KCNQ5: variants seen among roughly 807,000 people sequenced by gnomAD.
KCNQ5 encodes the protein potassium voltage-gated channel subfamily Q member 5.
KCNQ5 carries 30 observed loss-of-function variants against 98.2 expected under a neutral mutation model. The ratio of observed to expected loss-of-function variants is 0.31; its 90% CI spans 0.23 to 0.41. The LOEUF is 0.41. Ranked by LOEUF, KCNQ5 falls within the 10% of genes least tolerant of loss-of-function variation. The pLI, the probability that KCNQ5 is intolerant of heterozygous loss-of-function variation, is 1.00. For synonymous variants in KCNQ5, 458 were observed against 449.4 expected, an observed-to-expected ratio of 1.02 and a Z score of -0.24; for missense variants, 835 against 1,182.5, an observed-to-expected ratio of 0.71 and a Z score of 4.31.
chr6:72,935,058 T>C (rs1281876047), intron 1 of KCNQ5, among the ~76,000 whole-genome samples: 2 of 150,974 alleles, frequency 1.3e-5, no homozygotes, highest in East Asian at 3.9e-4. Context: ...ATTGGCCTTG[T>C]TCTATCTTTT....
intron 10 of KCNQ5, among the ~76,000 whole-genome samples, chr6:73,154,343 T>C (rs1777271031): frequency 6.6e-6 from 1 of 152,210 alleles, no homozygotes; most frequent in Non-Finnish European, 1.5e-5. Context: ...AATTTGTTGC[T>C]ACAGTACCAG....
intron 1 of KCNQ5, among the ~76,000 whole-genome samples, chr6:72,758,442 A>G (rs1772086703): frequency 1.3e-5 from 2 of 152,168 alleles, no homozygotes; most frequent in Admixed American, 1.3e-4. Flanking sequence ...GAAAAAGCAT[A>G]AATTTACCAA....
At chr6:72,854,721 T>TACACACAC (rs59899899) in intron 1 of KCNQ5, among the ~76,000 whole-genome samples, 19 of 126,846 alleles carry the variant, frequency 1.5e-4, no homozygotes, top group African/African-American at 5.6e-4. Flanking sequence ...TCTTTCTTTG[T>TACACACAC]ACACACACAC....
chr6:72,701,823 T>C (rs947640914), intron 1 of KCNQ5, among the ~76,000 whole-genome samples: 9 of 152,272 alleles, frequency 5.9e-5, no homozygotes, highest in South Asian at 2.1e-4. Flanking sequence ...CAAGTGATCC[T>C]GCCAAGAAGC....
Position 72,939,155 on chromosome 6 carries a change from C to T in KCNQ5, c.399-64753C>T, listed in dbSNP as rs549628265. 9.7e-4 allele frequency among the ~76,000 whole-genome samples: 148 copies of T among 152,230 alleles called. 1 individual carries two copies. The highest frequency in any genetic ancestry group is 3.1e-3 in the African/African-American group (128 of 41,534). On this transcript the variant is annotated intron_variant, in intron 1 of 13. Coordinates refer to ENST00000370398, the MANE Select transcript of KCNQ5 (RefSeq NM_019842.4). ...CAGAACGCTCAGTGCTTTTGGCGAG[C>T]GGGTGGAAGCTGGGTTGAGGAGGAG... is the stretch of plus-strand genomic sequence containing the variant.
intron 1 of KCNQ5, among the ~76,000 whole-genome samples, chr6:72,834,202 T>C (rs1776408231): frequency 6.6e-6 from 1 of 152,128 alleles, no homozygotes. Context: ...CTCTGTACTT[T>C]TCTGCATTTT....
chr6:72,916,659 G>A (rs1272511356), intron 1 of KCNQ5, among the ~76,000 whole-genome samples: 3 of 152,136 alleles, frequency 2.0e-5, no homozygotes, highest in Non-Finnish European at 4.4e-5. Context: ...TCAGTTCCAC[G>A]GGGGTAGAAT....
At chr6:72,701,981 A>T (rs1336432490) in intron 1 of KCNQ5, among the ~76,000 whole-genome samples, 1 of 152,106 alleles carries the variant, frequency 6.6e-6, no homozygotes, top group Non-Finnish European at 1.5e-5. Context: ...GGTGTGAGCC[A>T]CCATGCCCAG....
At chr6:72,656,748 A>G (rs891155713) in intron 1 of KCNQ5, among the ~76,000 whole-genome samples, 2 of 152,066 alleles carry the variant, frequency 1.3e-5, no homozygotes, top group African/African-American at 4.8e-5. Context: ...CCACCACACA[A>G]ATTTATGTCC....
At chr6:72,837,042 T>G (rs1057090241) in intron 1 of KCNQ5, among the ~76,000 whole-genome samples, 2 of 152,236 alleles carry the variant, frequency 1.3e-5, no homozygotes, top group Non-Finnish European at 2.9e-5. Flanking sequence ...TCTGTTCTCA[T>G]GTGGAATTGC....
intron 1 of KCNQ5, among the ~76,000 whole-genome samples, chr6:72,802,264 C>G (rs944523650): frequency 4.6e-5 from 7 of 152,232 alleles, no homozygotes; most frequent in Non-Finnish European, 8.8e-5. Flanking sequence ...TCAGGTACAC[C>G]AATCAGACGT....
intron 3 of KCNQ5, among the ~76,000 whole-genome samples, chr6:73,065,532 G>T (rs1773008503): frequency 6.6e-6 from 1 of 152,126 alleles, no homozygotes; most frequent in Non-Finnish European, 1.5e-5. Flanking sequence ...TTTCCCAAAG[G>T]TAACCAAAAT....
At chr6:73,075,559 A>C (rs1439122919) in intron 3 of KCNQ5, among the ~76,000 whole-genome samples, 2 of 152,178 alleles carry the variant, frequency 1.3e-5, no homozygotes, top group Non-Finnish European at 2.9e-5. Context: ...ACTAATATAT[A>C]TTTCTATTAA....
intron 5 of KCNQ5, among the ~76,000 whole-genome samples, chr6:73,103,564 A>G (rs1207899412): frequency 6.6e-6 from 1 of 152,148 alleles, no homozygotes; most frequent in Admixed American, 6.6e-5. Flanking sequence ...CAGCACACCA[A>G]CATGGCACAT....
At chr6:73,144,839 G>T (rs1582439658) in intron 10 of KCNQ5, among the ~76,000 whole-genome samples, 1 of 152,148 alleles carries the variant, frequency 6.6e-6, no homozygotes, top group East Asian at 1.9e-4. Flanking sequence ...GGTGGTGGTG[G>T]GTTCCCAAGA....
intron 1 of KCNQ5, among the ~76,000 whole-genome samples, chr6:72,636,022 A>G (rs1378776705): frequency 2.6e-5 from 4 of 152,106 alleles, no homozygotes; most frequent in Non-Finnish European, 4.4e-5. Flanking sequence ...ATATCTATAT[A>G]TTATTTCTGA....
intron 1 of KCNQ5, among the ~76,000 whole-genome samples, chr6:72,891,866 T>C (rs1347861466): frequency 2.0e-5 from 3 of 152,210 alleles, no homozygotes; most frequent in African/African-American, 7.2e-5. Flanking sequence ...GCAGGAAGGC[T>C]TGAATGTCCA....
chr6:72,682,918 T>C (rs1011150521), intron 1 of KCNQ5, among the ~76,000 whole-genome samples: 7 of 152,132 alleles, frequency 4.6e-5, no homozygotes, highest in African/African-American at 1.7e-4. Context: ...TTTACGTTTT[T>C]ATGTTGAAAA....
At chr6:72,901,136 C>G (rs1581984896) in intron 1 of KCNQ5, among the ~76,000 whole-genome samples, 1 of 129,606 alleles carries the variant, frequency 7.7e-6, no homozygotes, top group East Asian at 2.8e-4. Context: ...CTCCCCCCTC[C>G]CCCGACCCCA....
Sources: allele counts gnomAD v4.1 joint callset (sites outside exome capture counted in the v4.1 genomes callset), GRCh38; gene constraint gnomAD v4.1.1; transcripts MANE v1.5; gene names NCBI Gene and HGNC (gene_info 2026-07-23, HGNC 2026-07-21).